FOXP1: variants seen among roughly 807,000 people sequenced by gnomAD.
FOXP1 encodes forkhead box P1.
FOXP1 carries 15 observed loss-of-function variants against 98.2 expected under a neutral mutation model. The ratio of observed to expected loss-of-function variants is 0.15; its 90% confidence interval spans 0.10 to 0.24. The LOEUF (loss-of-function observed/expected upper bound fraction) is 0.24. FOXP1 is among the 10% of genes least tolerant of loss of function. The pLI, the probability that FOXP1 is intolerant of heterozygous loss-of-function variation, is 1.00. For synonymous variants in FOXP1, 371 were observed against 314.5 expected (o/e 1.18, Z -1.90); for missense variants, 633 against 848.5 (o/e 0.75, Z 3.15).
At chr3:71,378,106 A>C (rs1036675282) in intron 3 of FOXP1, among the ~76,000 whole-genome samples, 32 of 152,150 alleles carry the variant, frequency 2.1e-4, no homozygotes, top group African/African-American at 6.7e-4. Flanking sequence ...ACAAAAAAAA[A>C]AAAAAAAGCC....
chr3:71,371,811 C>A (rs913344931), intron 3 of FOXP1, among the ~76,000 whole-genome samples: 24 of 151,968 alleles, frequency 1.6e-4, no homozygotes, highest in African/African-American at 5.3e-4. Context: ...ATACAGGGTC[C>A]TGCTGACCCC....
At chr3:71,072,297 G>C (rs1481961295) in intron 7 of FOXP1, among the ~76,000 whole-genome samples, 1 of 152,150 alleles carries the variant, frequency 6.6e-6, no homozygotes, top group African/African-American at 2.4e-5. Flanking sequence ...GTACTCCACA[G>C]CCTGGGCAAC....
chr3:71,521,131 G>C (rs2042951978), intron 2 of FOXP1, among the ~76,000 whole-genome samples: 1 of 151,996 alleles, frequency 6.6e-6, no homozygotes, highest in Non-Finnish European at 1.5e-5. Context: ...GGGGGTGTCA[G>C]GGACATGATA....
intron 5 of FOXP1, among the ~76,000 whole-genome samples, chr3:71,203,834 T>C (rs1419787527): frequency 6.6e-6 from 1 of 151,420 alleles, no homozygotes; most frequent in Non-Finnish European, 1.5e-5. Context: ...CCACCCCCCA[T>C]CCGAAAAGAA....
intron 6 of FOXP1, among the ~76,000 whole-genome samples, chr3:71,196,134 A>T (rs2063286087): frequency 6.6e-6 from 1 of 152,214 alleles, no homozygotes. Flanking sequence ...AAATGTGTCA[A>T]CGACATACGG....
At chr3:71,504,186 A>G (rs893261182) in intron 2 of FOXP1, among the ~76,000 whole-genome samples, 1 of 152,204 alleles carries the variant, frequency 6.6e-6, no homozygotes, top group African/African-American at 2.4e-5. Flanking sequence ...ATCGAAAAAA[A>G]CACTTTGGGG....
intron 7 of FOXP1, among the ~76,000 whole-genome samples, chr3:71,084,808 G>A (rs978721497): frequency 6.6e-6 from 1 of 152,148 alleles, no homozygotes; most frequent in Non-Finnish European, 1.5e-5. Flanking sequence ...TGAGGTGGGG[G>A]AATCGCTGGA....
At chr3:71,409,185 T>C (rs550264004) in intron 3 of FOXP1, among the ~76,000 whole-genome samples, 191 of 152,320 alleles carry the variant, frequency 1.3e-3, no homozygotes, top group Middle Eastern at 6.8e-3. Flanking sequence ...TCTTTCTTAA[T>C]GTTCCTAAGT....
At chr3:71,429,014 G>GT (rs1337220915) in intron 3 of FOXP1, among the ~76,000 whole-genome samples, 3 of 152,344 alleles carry the variant, frequency 2.0e-5, no homozygotes, top group Admixed American at 2.0e-4. Context: ...CATGCAGACA[G>GT]TAGTCGGCTG....
At chr3:71,087,355 A>G (rs935682267) in intron 7 of FOXP1, among the ~76,000 whole-genome samples, 5 of 152,212 alleles carry the variant, frequency 3.3e-5, no homozygotes, top group African/African-American at 1.2e-4. Context: ...TAATTGATCA[A>G]ACAACGACAA....
chr3:71,161,536 A>C (rs1388804696), intron 6 of FOXP1, among the ~76,000 whole-genome samples: 1 of 152,250 alleles, frequency 6.6e-6, no homozygotes, highest in African/African-American at 2.4e-5. Flanking sequence ...TACTGCCCAA[A>C]GCAAGTGAAA....
At chr3:71,582,373 G>C (rs1335913366) in intron 1 of FOXP1, 6 of 978,162 alleles carry the variant, frequency 6.1e-6, no homozygotes, top group Non-Finnish European at 6.1e-6. Context: ...TCGGCTCCCG[G>C]CGCCGCCGCC....
intron 5 of FOXP1, among the ~76,000 whole-genome samples, chr3:71,211,984 C>T (rs1450694354): frequency 6.6e-6 from 1 of 152,170 alleles, no homozygotes; most frequent in African/African-American, 2.4e-5. Context: ...TTTTATAATG[C>T]ATGTTATAAA....
intron 6 of FOXP1, among the ~76,000 whole-genome samples, chr3:71,119,018 T>A (rs2058571895): frequency 6.6e-6 from 1 of 152,180 alleles, no homozygotes; most frequent in Non-Finnish European, 1.5e-5. Context: ...CCCCAAAGAT[T>A]TCACTGGATA....
intron 3 of FOXP1, among the ~76,000 whole-genome samples, chr3:71,408,952 T>C (rs187290269): frequency 3.2e-4 from 49 of 152,338 alleles, no homozygotes; most frequent in Admixed American, 5.2e-4. Flanking sequence ...ACGTTTAGCT[T>C]ATTTAGCACC....
intron 2 of FOXP1, among the ~76,000 whole-genome samples, chr3:71,506,392 C>G (rs535328946): frequency 2.8e-4 from 42 of 152,072 alleles, no homozygotes; most frequent in Non-Finnish European, 4.4e-5. Context: ...TTTTACATCT[C>G]CTGTCTCCAC....
chr3:71,537,592 G>T (rs1169276604), intron 2 of FOXP1, among the ~76,000 whole-genome samples: 2 of 152,168 alleles, frequency 1.3e-5, no homozygotes, highest in African/African-American at 4.8e-5. Flanking sequence ...TTTGGCACAG[G>T]TTCTGGAACT....
At chr3:71,397,088 A>ATATATATATATACATATATATGTG (rs2081569930) in intron 3 of FOXP1, among the ~76,000 whole-genome samples, 1 of 6,498 alleles carries the variant, frequency 1.5e-4, no homozygotes, top group African/African-American at 7.1e-4. Context: ...ATATATGTGT[A>ATATATATATATACATATATATGTG]TATATATATA....
chr3:71,207,675 C>T (rs953765598), intron 5 of FOXP1, among the ~76,000 whole-genome samples: 1 of 152,070 alleles, frequency 6.6e-6, no homozygotes, highest in Non-Finnish European at 1.5e-5. Flanking sequence ...ACAGCAAATG[C>T]TAGGAGAGCA....
Sources: allele counts gnomAD v4.1 joint callset (sites outside exome capture counted in the v4.1 genomes callset), GRCh38; gene constraint gnomAD v4.1.1; transcripts MANE v1.5; gene names NCBI Gene and HGNC (gene_info 2026-07-23, HGNC 2026-07-21).